Variants in EFCAB3 observed in about 807,000 individuals in gnomAD.
EFCAB3 encodes the protein EF-hand calcium-binding domain-containing protein 3.
In EFCAB3, 36 loss-of-function variants were observed where a neutral mutation model predicts 42.2. The observed-to-expected ratio is 0.85, with a 90% CI of 0.65 to 1.13. The LOEUF (loss-of-function observed/expected upper bound fraction) is 1.13, where lower values mean the gene tolerates loss of function less well. Among genes scored for constraint, EFCAB3 ranks in the 50% most tolerant of loss-of-function variants. EFCAB3 has a pLI of 0.00. For missense variants in EFCAB3, 418 were observed against 505.1 expected, an observed-to-expected ratio of 0.83 and a Z score of 1.65; for synonymous variants, 170 against 172.8, an observed-to-expected ratio of 0.98 and a Z score of 0.13.
chr17:62,396,753 A>T (rs547577775), intron 6 of EFCAB3, among the ~76,000 whole-genome samples: 1 of 151,778 alleles, frequency 6.6e-6, no homozygotes, highest in Admixed American at 6.6e-5. Flanking sequence ...TTAACTAGGC[A>T]TGGTGGCGAA....
rs183952708 is a variant in EFCAB3 at position 62,389,776 on chromosome 17, T to A, written c.152-2046T>A. ...AAAGTATAAAATAAACATCCATGAA[T>A]CCACACTGATAGAAATAAATGACTA... is the stretch of plus-strand genomic sequence containing the variant. On this transcript the variant is annotated intron_variant, in intron 3 of 9. Transcript: ENST00000305286. Among the ~76,000 whole-genome samples the A allele has an allele frequency of 2.3e-3, 347 of 152,150 alleles. 4 individuals carry two copies. Among genetic ancestry groups the A allele is most frequent in the Admixed American group, 0.019 (285 of 15,272 alleles).
chr17:62,390,387 T>C (rs2070293228), intron 3 of EFCAB3, among the ~76,000 whole-genome samples: 1 of 152,184 alleles, frequency 6.6e-6, no homozygotes, highest in African/African-American at 2.4e-5. Context: ...ATCATGCAGG[T>C]ACAGGTGCTG....
In EFCAB3 at chr17:62,391,921, C is replaced by A; in HGVS notation, c.251C>A (p.Thr84Asn). The A allele has an allele frequency of 6.2e-7, 1 of 1,613,060 alleles. No individual in the cohort carries two copies. The highest frequency in any genetic ancestry group is 8.5e-7 in the Non-Finnish European group (1 of 1,179,348). Reference sequence around the variant, plus strand: ...GTAGCTAAGCTGGGAATGAATCTGACCAAGCATGATGTCTATAATGAATTG... The same window carrying A: ...GTAGCTAAGCTGGGAATGAATCTGAACAAGCATGATGTCTATAATGAATTG... ...CTVAKLGMNL[T>N]KHDVYNELKC... The change falls in exon 4 of 10, where the codon ACC (threonine) becomes AAC (asparagine). Residue 84 changes from threonine to asparagine, a missense_variant. Transcript: ENST00000305286.
chr17:62,372,525 G>T (rs1196196153), intron 1 of EFCAB3, among the ~76,000 whole-genome samples: 1 of 150,104 alleles, frequency 6.7e-6, no homozygotes, highest in Non-Finnish European at 1.5e-5. Flanking sequence ...CAAGTGATCT[G>T]CCTGCCTCAG....
chr17:62,392,390 G>T lies in EFCAB3; in HGVS notation c.295+425G>T, dbSNP rs368982454. On this transcript the variant is annotated intron_variant, in intron 4 of 9. Coordinates refer to ENST00000305286, the MANE Select transcript of EFCAB3 (RefSeq NM_173503.4). ...TGAAATCAAATTAATCCTAGAAAAT[G>T]GACTATTTGAAAAACACTGTGTGGA... Among the ~76,000 whole-genome samples, 16 of 151,652 alleles carry T rather than the reference G, an allele frequency of 1.1e-4. No homozygotes were observed. The East Asian group carries it at 2.5e-3, about 24-fold the overall frequency.
At chr17:62,373,798 C>T (rs1365645509) in intron 1 of EFCAB3, 6 of 1,488,894 alleles carry the variant, frequency 4.0e-6, no homozygotes, top group Non-Finnish European at 5.5e-6. Context: ...TGTATCTAAA[C>T]CAAAATGTTT....
intron 2 of EFCAB3, among the ~76,000 whole-genome samples, chr17:62,374,810 G>A (rs2070138249): frequency 6.6e-6 from 1 of 152,164 alleles, no homozygotes. Context: ...AAGCCTGACT[G>A]TGTTTCAAAA....
At position 62,416,006 on chromosome 17, in the gene EFCAB3, A is replaced by AAG; in HGVS notation, c.999_1000dup (p.Ala334GlufsTer8). On this transcript the variant is annotated frameshift_variant, in exon 10 of 10. Coordinates refer to ENST00000305286, the MANE Select transcript of EFCAB3 (RefSeq NM_173503.4). LOFTEE classifies it high-confidence loss of function. Reference sequence around the variant, plus strand: ...AACTTCTGGTCTCTCACTGCAGGTGAAGAGAGCTACTGATACCTATAATTT... The same window carrying AAG: ...AACTTCTGGTCTCTCACTGCAGGTGAAGAGAGAGCTACTGATACCTATAATTT... 1.2e-6 allele frequency: 2 copies of AAG among 1,605,812 alleles called. No individual in the cohort carries two copies. Among genetic ancestry groups the AAG allele is most frequent in the Non-Finnish European group, 1.7e-6 (2 of 1,176,138 alleles).
chr17:62,393,685 A>G (rs757091340), intron 5 of EFCAB3, 41 bp downstream of exon 5: 68 of 1,537,702 alleles, frequency 4.4e-5, no homozygotes, highest in Non-Finnish European at 5.7e-5. Flanking sequence ...TTGGGCAGCT[A>G]CAACTCACTG....
chr17:62,397,294 T>C, intron 6 of EFCAB3: 1 of 283,590 alleles, frequency 3.5e-6, no homozygotes, highest in Non-Finnish European at 6.8e-6. Context: ...CTGAGGTGCA[T>C]GGATCACTTG....
At chr17:62,408,271 A>G (rs2070465164) in intron 8 of EFCAB3, among the ~76,000 whole-genome samples, 1 of 152,196 alleles carries the variant, frequency 6.6e-6, no homozygotes, top group South Asian at 2.1e-4. Context: ...TGTAATACAA[A>G]TACTTTATTT....
chr17:62,393,898 TGAAA>T lies in EFCAB3; in HGVS notation c.367+257_367+260del, dbSNP rs535079608. Reference sequence around the variant, plus strand: ...GCCCTTTGGTCTCCAACGAGAACACTGAAAGAGTGACTGGTGTAGAAAAATTTGG... The same window carrying T: ...GCCCTTTGGTCTCCAACGAGAACACTGAGTGACTGGTGTAGAAAAATTTGG... On this transcript the variant is annotated intron_variant, in intron 5 of 9. Transcript: ENST00000305286. Among the ~76,000 whole-genome samples, 19 of 152,144 alleles carry T rather than the reference TGAAA, an allele frequency of 1.2e-4. No individual in the cohort carries two copies. In the South Asian group the frequency reaches 3.8e-3, roughly 30 times the overall value.
At chr17:62,405,379 AG>A (rs2070439069) in intron 6 of EFCAB3, among the ~76,000 whole-genome samples, 1 of 152,220 alleles carries the variant, frequency 6.6e-6, no homozygotes, top group Admixed American at 6.5e-5. Flanking sequence ...AGGAAAGAAA[AG>A]GTTGTCTGTC....
chr17:62,413,852 C>T lies in EFCAB3; in HGVS notation c.988C>T (p.His330Tyr). The stretch of plus-strand genomic sequence containing the variant: ...GGCCGATGCAACTGCTATTAAACAA[C>T]ATGTGAGTATTCCTTGTTGAGTTCC... The part of the protein sequence containing the change: ...TVADATAIKQ[H>Y]VKRATDTYNL... The change falls in exon 9 of 10, where the codon CAT (histidine) becomes TAT (tyrosine). Residue 330 changes from histidine to tyrosine, a missense_variant and splice_region_variant. By Grantham distance (83) the His-to-Tyr change is moderately conservative. Coordinates refer to ENST00000305286, the MANE Select transcript of EFCAB3 (RefSeq NM_173503.4). The T allele has an allele frequency of 6.2e-7, 1 of 1,610,092 alleles. No individual in the cohort carries two copies. The highest frequency in any genetic ancestry group is 8.5e-7 in the Non-Finnish European group (1 of 1,178,460).
chr17:62,373,851 C>A, exon 2 of EFCAB3: 1 of 1,503,532 alleles, frequency 6.7e-7, no homozygotes, highest in Non-Finnish European at 9.0e-7. Context: ...TAATGGAGGG[C>A]CTGAAGAAGT....
rs759462976 is a variant in EFCAB3 at position 62,416,349 on chromosome 17, C to T, written c.*20C>T. The T allele has an allele frequency of 3.4e-5, 51 of 1,495,956 alleles. 1 individual carries two copies. In the South Asian group the frequency reaches 6.6e-4, roughly 19 times the overall value. The allele number at this position is 1,495,956 out of a possible 1,614,324, so 92.7% of individuals were successfully genotyped here. A position where few individuals can be genotyped will look rare whatever the true frequency, so the allele number is the denominator to read the frequency against. On this transcript the variant is annotated 3_prime_UTR_variant, in exon 10 of 10. Transcript: ENST00000305286. ...CAATGAAATTTCTACATTTTCTAAA[C>T]AGCTCATCACAAACTACTTTTTCAT...
intron 8 of EFCAB3, among the ~76,000 whole-genome samples, chr17:62,407,930 C>T (rs1446617394): frequency 6.6e-6 from 1 of 152,160 alleles, no homozygotes; most frequent in African/African-American, 2.4e-5. Flanking sequence ...TAGAAGGCCC[C>T]TCCCCACATA....
chr17:62,409,233 T>C (rs1425786805), intron 8 of EFCAB3, among the ~76,000 whole-genome samples: 2 of 152,164 alleles, frequency 1.3e-5, no homozygotes, highest in Non-Finnish European at 2.9e-5. Context: ...ATTTTTGTAT[T>C]CTTAGTAGAG....
At chr17:62,375,148 T>C (rs1403349221) in intron 2 of EFCAB3, among the ~76,000 whole-genome samples, 1 of 152,160 alleles carries the variant, frequency 6.6e-6, no homozygotes, top group Non-Finnish European at 1.5e-5. Context: ...GTAAGAATAA[T>C]TTAAGGTATA....
Sources: gnomAD v4.1 joint callset for allele counts (sites outside exome capture counted in the v4.1 genomes callset) on GRCh38, gnomAD v4.1.1 for gene constraint, MANE v1.5 for transcripts, NCBI Gene and HGNC (gene_info 2026-07-23, HGNC 2026-07-21) for gene names.